SORCS2: variants seen among roughly 807,000 people sequenced by gnomAD.
SORCS2 encodes the protein sortilin related VPS10 domain containing receptor 2.
Under a neutral mutation model 141.6 loss-of-function variants are expected in SORCS2, and 100 were observed. That is an observed-to-expected ratio of 0.71 (90% CI 0.60 to 0.83). SORCS2 has a LOEUF of 0.83. Among genes scored for constraint, SORCS2 ranks in the 40% least tolerant of loss-of-function variants. The probability of loss-of-function intolerance (pLI) is 0.00; values close to 1 mark genes in which losing one functional copy is unlikely to be tolerated. For synonymous variants in SORCS2, 789 were observed against 676.9 expected (o/e 1.17, Z -2.57); for missense variants, 1,646 against 1,560.2 (o/e 1.05, Z -0.93).
At chr4:7,434,660 C>A (rs769256831) in intron 2 of SORCS2, 1 of 1,612,712 alleles carries the variant, frequency 6.2e-7, no homozygotes, top group Non-Finnish European at 8.5e-7. Context: ...CCATTGCCAG[C>A]GGCGGCTGCT....
chr4:7,226,942 C>T (rs570480259), intron 1 of SORCS2, among the ~76,000 whole-genome samples: 69 of 152,322 alleles, frequency 4.5e-4, no homozygotes, highest in Non-Finnish European at 7.5e-4. Context: ...TCCTCGATGC[C>T]GCCATGTGGC....
Position 7,699,492 on chromosome 4 carries a change from T to C in SORCS2, c.1668+2218T>C, listed in dbSNP as rs577043294. ...GCACCGGCTCAGGGGGCCAGCTCAGTACCAAAGGGAAATTGCACTCCAGGA... is the reference window on the plus strand; with the variant it reads ...GCACCGGCTCAGGGGGCCAGCTCAGCACCAAAGGGAAATTGCACTCCAGGA... On this transcript the variant is annotated intron_variant, in intron 12 of 26. Transcript: ENST00000507866. Among the ~76,000 whole-genome samples, 4 of 152,084 alleles carry C rather than the reference T, an allele frequency of 2.6e-5. No individual in the cohort carries two copies. In the East Asian group the frequency reaches 7.8e-4, roughly 30 times the overall value.
chr4:7,551,503 A>C (rs1023387612), intron 3 of SORCS2, among the ~76,000 whole-genome samples: 2 of 152,210 alleles, frequency 1.3e-5, no homozygotes, highest in Non-Finnish European at 2.9e-5. Context: ...TATGAGATGC[A>C]GAGAGGCCTT....
At chr4:7,625,293 A>T (rs1486381227) in intron 3 of SORCS2, among the ~76,000 whole-genome samples, 1 of 152,144 alleles carries the variant, frequency 6.6e-6, no homozygotes, top group Non-Finnish European at 1.5e-5. Context: ...TCCGAGTCAG[A>T]CAGAGCTGGG....
At chr4:7,529,840 T>C (rs537564585) in intron 2 of SORCS2, among the ~76,000 whole-genome samples, 1 of 152,302 alleles carries the variant, frequency 6.6e-6, no homozygotes, top group South Asian at 2.1e-4. Context: ...TCCACTGGGC[T>C]TCTTTGTTCA....
chr4:7,454,119 GCA>G, intron 2 of SORCS2, among the ~76,000 whole-genome samples: 1 of 132,336 alleles, frequency 7.6e-6, no homozygotes, highest in East Asian at 2.5e-4. Context: ...TTGGGGTCAG[GCA>G]CTGTGTTGGG....
intron 2 of SORCS2, among the ~76,000 whole-genome samples, chr4:7,520,230 C>T (rs2109501159): frequency 6.6e-6 from 1 of 152,284 alleles, no homozygotes; most frequent in South Asian, 2.1e-4. Context: ...CGCCGATGCT[C>T]AGGAGAGGTC....
chr4:7,291,453 C>G (rs1054127051), intron 1 of SORCS2, among the ~76,000 whole-genome samples: 2 of 152,076 alleles, frequency 1.3e-5, no homozygotes, highest in African/African-American at 4.8e-5. Context: ...AGGCTTTCAT[C>G]ATGAGGGCTC....
At chr4:7,601,247 A>T (rs573059353) in intron 3 of SORCS2, among the ~76,000 whole-genome samples, 2 of 152,214 alleles carry the variant, frequency 1.3e-5, no homozygotes, top group East Asian at 3.9e-4. Context: ...ACCAGCTTTG[A>T]TTTAGATGCT....
At chr4:7,360,598 A>G (rs1304957923) in intron 1 of SORCS2, among the ~76,000 whole-genome samples, 1 of 1,694 alleles carries the variant, frequency 5.9e-4, no homozygotes, top group African/African-American at 2.5e-3. Context: ...TTTTTTTTTG[A>G]GACAGGGTCT....
intron 1 of SORCS2, among the ~76,000 whole-genome samples, chr4:7,349,916 C>T (rs768916692): frequency 9.2e-5 from 14 of 152,152 alleles, no homozygotes; most frequent in Non-Finnish European, 1.9e-4. Flanking sequence ...TCCGAGCAGA[C>T]GCTGATCTGC....
intron 2 of SORCS2, among the ~76,000 whole-genome samples, chr4:7,417,535 A>G (rs1011417753): frequency 1.3e-5 from 2 of 152,098 alleles, no homozygotes; most frequent in African/African-American, 4.8e-5. Context: ...TTTATGAGTG[A>G]CCTTGGGCAA....
chr4:7,330,863 C>T (rs1270371589), intron 1 of SORCS2, among the ~76,000 whole-genome samples: 12 of 152,082 alleles, frequency 7.9e-5, no homozygotes, highest in Non-Finnish European at 1.5e-5. Context: ...CACGTGTGTT[C>T]CACAGACGTG....
At chr4:7,212,940 C>G (rs569655645) in intron 1 of SORCS2, among the ~76,000 whole-genome samples, 34 of 152,328 alleles carry the variant, frequency 2.2e-4, no homozygotes, top group Non-Finnish European at 4.4e-4. Flanking sequence ...CATCTGCCCA[C>G]CTGGGGGGAA....
intron 1 of SORCS2, among the ~76,000 whole-genome samples, chr4:7,379,118 GA>G (rs1174472076): frequency 6.6e-6 from 1 of 152,218 alleles, no homozygotes; most frequent in South Asian, 2.1e-4. Flanking sequence ...CTGTGCTTGG[GA>G]TGTGGCTAAG....
intron 1 of SORCS2, among the ~76,000 whole-genome samples, chr4:7,392,471 T>G (rs1723927596): frequency 6.6e-6 from 1 of 152,156 alleles, no homozygotes; most frequent in Admixed American, 6.5e-5. Flanking sequence ...ACTCATTGAT[T>G]TACTCAAGGA....
Position 7,233,153 on chromosome 4 carries a change from G to A in SORCS2, c.480+40027G>A, listed in dbSNP as rs763012845. Among the ~76,000 whole-genome samples the A allele has an allele frequency of 1.3e-5, 2 of 152,158 alleles. No homozygotes were observed. Among genetic ancestry groups the A allele is most frequent in the Non-Finnish European group, 2.9e-5 (2 of 68,012 alleles). ...GCACAGGCGAGTCCCCAAGGTACCC[G>A]AGGGAGGCCAGGTACTGTCACTGCA... On this transcript the variant is annotated intron_variant, in intron 1 of 26. Transcript: ENST00000507866. This position sits in a 1 kb window ranked among gnomAD's most constrained non-coding sequence, Gnocchi z 4.5.
chr4:7,341,750 G>C (rs1363843987), intron 1 of SORCS2, among the ~76,000 whole-genome samples: 1 of 152,202 alleles, frequency 6.6e-6, no homozygotes, highest in Non-Finnish European at 1.5e-5. Context: ...TGTGGCTTCA[G>C]TGGTATTCAG....
intron 2 of SORCS2, among the ~76,000 whole-genome samples, chr4:7,530,950 C>CT (rs1711587305): frequency 1.3e-5 from 2 of 152,170 alleles, no homozygotes; most frequent in Admixed American, 1.3e-4. Context: ...TGCCCGAACT[C>CT]TGGTACCTGC....
Sources: allele counts gnomAD v4.1 joint callset (sites outside exome capture counted in the v4.1 genomes callset), GRCh38; gene constraint gnomAD v4.1.1; non-coding constraint Gnocchi (gnomAD v3.1); transcripts MANE v1.5; gene names NCBI Gene and HGNC (gene_info 2026-07-23, HGNC 2026-07-21).